Variants in PDGFD observed in about 807,000 individuals in gnomAD.
PDGFD encodes the protein platelet derived growth factor D.
In PDGFD, 30 loss-of-function variants were observed where a neutral mutation model predicts 44.7. The ratio of observed to expected loss-of-function variants is 0.67; its 90% CI spans 0.50 to 0.91. PDGFD has a LOEUF of 0.91. Ranked by LOEUF, PDGFD falls within the 40% of genes least tolerant of loss-of-function variation. The probability of loss-of-function intolerance (pLI) is 0.00; values close to 1 mark genes in which losing one functional copy is unlikely to be tolerated. For synonymous variants in PDGFD, 173 were observed against 168.4 expected (o/e 1.03, Z -0.21); for missense variants, 445 against 457.8 (o/e 0.97, Z 0.25).
At chr11:104,126,127 A>G (rs985004466) in intron 1 of PDGFD, among the ~76,000 whole-genome samples, 3 of 152,150 alleles carry the variant, frequency 2.0e-5, no homozygotes, top group Admixed American at 6.5e-5. Flanking sequence ...TTAGCCTATC[A>G]CTGCTCCTTT....
chr11:104,144,135 G>C (rs551114540), intron 1 of PDGFD, among the ~76,000 whole-genome samples: 2 of 152,166 alleles, frequency 1.3e-5, no homozygotes, highest in South Asian at 4.2e-4. Context: ...AACACTGGAG[G>C]TTAAGACTAT....
At chr11:104,116,389 G>A (rs969675541) in intron 1 of PDGFD, among the ~76,000 whole-genome samples, 4 of 151,940 alleles carry the variant, frequency 2.6e-5, no homozygotes, top group African/African-American at 9.7e-5. Context: ...ATTGGTCTAT[G>A]TGCCTATTTT....
intron 1 of PDGFD, among the ~76,000 whole-genome samples, chr11:104,103,396 T>G (rs1314834663): frequency 6.6e-6 from 1 of 150,924 alleles, no homozygotes; most frequent in Non-Finnish European, 1.5e-5. Flanking sequence ...CACCTGAACA[T>G]ATTTCTTTCC....
At chr11:104,134,339 A>T (rs1861969196) in intron 1 of PDGFD, among the ~76,000 whole-genome samples, 1 of 152,202 alleles carries the variant, frequency 6.6e-6, no homozygotes, top group Admixed American at 6.5e-5. Flanking sequence ...AGTACTTCCC[A>T]TTAATCACAG....
At chr11:103,963,015 C>T (rs1858962679) in intron 3 of PDGFD, among the ~76,000 whole-genome samples, 1 of 152,090 alleles carries the variant, frequency 6.6e-6, no homozygotes, top group African/African-American at 2.4e-5. Flanking sequence ...AGATCTTGTA[C>T]CAATTACTTA....
chr11:104,110,602 T>G (rs1861540110), intron 1 of PDGFD, among the ~76,000 whole-genome samples: 1 of 151,980 alleles, frequency 6.6e-6, no homozygotes, highest in Non-Finnish European at 1.5e-5. Flanking sequence ...TGCTTAAAAA[T>G]TAAAAAGACC....
chr11:104,151,987 C>T (rs1862252911), intron 1 of PDGFD, among the ~76,000 whole-genome samples: 1 of 151,924 alleles, frequency 6.6e-6, no homozygotes, highest in Non-Finnish European at 1.5e-5. Flanking sequence ...CTGCCTTGCC[C>T]TATGTTTATT....
At chr11:104,128,496 G>C (rs895613108) in intron 1 of PDGFD, among the ~76,000 whole-genome samples, 1 of 152,100 alleles carries the variant, frequency 6.6e-6, no homozygotes, top group African/African-American at 2.4e-5. Context: ...AGACCCTCTA[G>C]ACACATAAAA....
At chr11:103,983,104 C>G (rs1036246278) in intron 3 of PDGFD, among the ~76,000 whole-genome samples, 2 of 151,678 alleles carry the variant, frequency 1.3e-5, no homozygotes, top group Non-Finnish European at 2.9e-5. Flanking sequence ...AGACCCCAAA[C>G]AGCCAAGACA....
chr11:104,056,070 T>G (rs1860613202), intron 1 of PDGFD, among the ~76,000 whole-genome samples: 1 of 152,158 alleles, frequency 6.6e-6, no homozygotes, highest in African/African-American at 2.4e-5. Context: ...CCCCAAAACC[T>G]ATAGCTGTTT....
intron 1 of PDGFD, among the ~76,000 whole-genome samples, chr11:104,117,690 C>T (rs1315162383): frequency 1.3e-5 from 2 of 151,828 alleles, no homozygotes; most frequent in African/African-American, 4.8e-5. Context: ...GATGAAAGAC[C>T]TCTACAAGGA....
At chr11:104,127,233 G>T (rs1861854552) in intron 1 of PDGFD, among the ~76,000 whole-genome samples, 1 of 152,140 alleles carries the variant, frequency 6.6e-6, no homozygotes, top group Admixed American at 6.5e-5. Flanking sequence ...TTCAGTGAAT[G>T]ATTCCCACAT....
At chr11:104,020,518 T>C (rs895777942) in intron 1 of PDGFD, among the ~76,000 whole-genome samples, 2 of 152,150 alleles carry the variant, frequency 1.3e-5, no homozygotes, top group Admixed American at 6.5e-5. Flanking sequence ...TTACATCACA[T>C]ATGCATTTTA....
chr11:103,999,707 C>A (rs1010162886), intron 2 of PDGFD, among the ~76,000 whole-genome samples: 11 of 152,206 alleles, frequency 7.2e-5, no homozygotes, highest in Non-Finnish European at 1.0e-4. Flanking sequence ...TTTGACCACA[C>A]ATGATGCAGC....
chr11:103,970,889 T>C (rs775250703), intron 3 of PDGFD, among the ~76,000 whole-genome samples: 1 of 152,144 alleles, frequency 6.6e-6, no homozygotes, highest in Non-Finnish European at 1.5e-5. Flanking sequence ...AATTGTAGAA[T>C]GGCCTCACAA....
At chr11:104,104,769 T>C (rs1861448945) in intron 1 of PDGFD, among the ~76,000 whole-genome samples, 1 of 152,236 alleles carries the variant, frequency 6.6e-6, no homozygotes, top group African/African-American at 2.4e-5. Flanking sequence ...TGATTCATGA[T>C]TGTACACAGA....
At chr11:104,139,943 C>T (rs1456955354) in intron 1 of PDGFD, among the ~76,000 whole-genome samples, 1 of 75,338 alleles carries the variant, frequency 1.3e-5, no homozygotes, top group Non-Finnish European at 2.5e-5. Flanking sequence ...GCCTGTAGTC[C>T]CAGCTACTCG....
chr11:104,071,693 C>G (rs1860879113), intron 1 of PDGFD, among the ~76,000 whole-genome samples: 1 of 151,542 alleles, frequency 6.6e-6, no homozygotes, highest in African/African-American at 2.4e-5. Flanking sequence ...TCAGTTTTTC[C>G]ATTTATTAAA....
intron 6 of PDGFD, among the ~76,000 whole-genome samples, chr11:103,913,424 G>C (rs1858063612): frequency 1.3e-5 from 2 of 152,066 alleles, no homozygotes; most frequent in African/African-American, 4.8e-5. Context: ...CAAAATGAAG[G>C]CAAAAATAAA....
Sources: allele counts gnomAD v4.1 joint callset (sites outside exome capture counted in the v4.1 genomes callset), GRCh38; gene constraint gnomAD v4.1.1; transcripts MANE v1.5; gene names NCBI Gene and HGNC (gene_info 2026-07-23, HGNC 2026-07-21).